Variants in SNTG1 observed in about 807,000 individuals in gnomAD.
SNTG1 encodes syntrophin gamma 1, also known as gamma-1-syntrophin.
A neutral mutation model predicts 74.7 loss-of-function variants in SNTG1; 39 were observed. That is an observed-to-expected ratio of 0.52 (90% CI 0.40 to 0.68). The LOEUF is 0.68. Among genes scored for constraint, SNTG1 ranks in the 30% least tolerant of loss-of-function variants. The pLI is 0.00. For missense variants in SNTG1, 685 were observed against 609.5 expected, an observed-to-expected ratio of 1.12 and a Z score of -1.30; for synonymous variants, 254 against 217.1, an observed-to-expected ratio of 1.17 and a Z score of -1.49.
chr8:50,009,250 A>T (rs1815539736), intron 1 of SNTG1, among the ~76,000 whole-genome samples: 1 of 152,060 alleles, frequency 6.6e-6, no homozygotes, highest in Admixed American at 6.6e-5. Context: ...ATTTAATTTT[A>T]GTTGTCATGC....
At position 50,682,510 on chromosome 8, in the gene SNTG1, G is replaced by T. The variant is rs1409853760; in HGVS notation, c.1039-22090G>T. On this transcript the variant is annotated intron_variant, in intron 15 of 18. Coordinates refer to ENST00000642720, the MANE Select transcript of SNTG1 (RefSeq NM_018967.5). ...GCAAGGGGTCAAAGAGGACAAGGAA[G>T]TTAAACTTTAAAATAGAGAATCAAA... Among the ~76,000 whole-genome samples, 3 of 152,128 alleles carry T rather than the reference G, an allele frequency of 2.0e-5. No individual in the cohort carries two copies. In the East Asian group the frequency reaches 5.8e-4, roughly 29 times the overall value.
At chr8:50,517,272 C>A (rs2094141144) in intron 9 of SNTG1, among the ~76,000 whole-genome samples, 1 of 152,098 alleles carries the variant, frequency 6.6e-6, no homozygotes, top group Non-Finnish European at 1.5e-5. Flanking sequence ...ACTAAATCTG[C>A]CTTACAAGAG....
At chr8:50,609,695 T>C (rs912241061) in intron 13 of SNTG1, among the ~76,000 whole-genome samples, 2 of 152,146 alleles carry the variant, frequency 1.3e-5, no homozygotes, top group African/African-American at 4.8e-5. Flanking sequence ...TCCAAAGGTC[T>C]CTAAACCTGT....
intron 1 of SNTG1, among the ~76,000 whole-genome samples, chr8:50,088,229 A>G (rs1367942197): frequency 6.6e-6 from 1 of 151,612 alleles, no homozygotes; most frequent in Non-Finnish European, 1.5e-5. Context: ...AACTCTCAAT[A>G]AATTAGGTAT....
chr8:50,267,848 T>C (rs1413406721), intron 2 of SNTG1, among the ~76,000 whole-genome samples: 1 of 152,218 alleles, frequency 6.6e-6, no homozygotes, highest in Non-Finnish European at 1.5e-5. Context: ...GCTAATGTAT[T>C]CAGTGATATT....
At chr8:50,259,836 C>A (rs1194841258) in intron 2 of SNTG1, among the ~76,000 whole-genome samples, 1 of 152,106 alleles carries the variant, frequency 6.6e-6, no homozygotes, top group Non-Finnish European at 1.5e-5. Flanking sequence ...GCAGATGAAT[C>A]ACAATTTTTT....
At chr8:50,050,831 A>T (rs1819506569) in intron 1 of SNTG1, among the ~76,000 whole-genome samples, 1 of 152,118 alleles carries the variant, frequency 6.6e-6, no homozygotes. Context: ...CCAGTATTGT[A>T]AATTGTATTT....
intron 12 of SNTG1, among the ~76,000 whole-genome samples, chr8:50,557,101 A>C (rs1242992105): frequency 6.6e-6 from 1 of 151,078 alleles, no homozygotes; most frequent in East Asian, 2.0e-4. Context: ...TGCCCTGGAA[A>C]GTGGGGGTGG....
rs114040302 is a variant in SNTG1 at position 50,233,400 on chromosome 8, A to G, written c.-28+60765A>G. Among the ~76,000 whole-genome samples, 807 of 151,872 alleles carry G rather than the reference A, an allele frequency of 5.3e-3. 11 individuals are homozygous for G. The highest frequency in any genetic ancestry group is 0.019 in the African/African-American group (774 of 41,552). On this transcript the variant is annotated intron_variant, in intron 2 of 18. Coordinates refer to ENST00000642720, the MANE Select transcript of SNTG1 (RefSeq NM_018967.5). ...ATTTAAACTTCACTCCTCATGTAAA[A>G]GAAAAAAATAAAGAAAACTTCAAAA... is the stretch of plus-strand genomic sequence containing the variant.
At chr8:50,438,126 A>G (rs979698574) in intron 4 of SNTG1, among the ~76,000 whole-genome samples, 2 of 152,162 alleles carry the variant, frequency 1.3e-5, no homozygotes, top group African/African-American at 4.8e-5. Flanking sequence ...CCAGGCAGGG[A>G]TGGAGACAGG....
At chr8:50,575,916 C>T (rs1469547477) in intron 12 of SNTG1, among the ~76,000 whole-genome samples, 6 of 152,122 alleles carry the variant, frequency 3.9e-5, no homozygotes, top group Admixed American at 3.9e-4. Flanking sequence ...TCCTCTTTCC[C>T]TCTGTCTGTA....
intron 18 of SNTG1, among the ~76,000 whole-genome samples, chr8:50,764,113 G>C (rs2131751858): frequency 6.6e-6 from 1 of 151,724 alleles, no homozygotes; most frequent in East Asian, 2.0e-4. Flanking sequence ...ACAAGAAAAT[G>C]GAATTTTCAT....
chr8:50,566,500 TCA>T (rs557028310), intron 12 of SNTG1, among the ~76,000 whole-genome samples: 3 of 151,532 alleles, frequency 2.0e-5, no homozygotes, highest in Admixed American at 1.3e-4. Context: ...AATAAAACTA[TCA>T]CACACACACA....
intron 8 of SNTG1, among the ~76,000 whole-genome samples, chr8:50,474,889 A>G (rs2093683712): frequency 1.3e-5 from 2 of 152,078 alleles, no homozygotes; most frequent in South Asian, 4.1e-4. Context: ...ATGGAATACT[A>G]TGCAGCCATA....
intron 1 of SNTG1, among the ~76,000 whole-genome samples, chr8:50,007,214 G>T (rs1815323313): frequency 1.3e-5 from 2 of 152,064 alleles, no homozygotes; most frequent in Admixed American, 1.3e-4. Context: ...TGCGGGTCAG[G>T]AAATGTTAGG....
intron 1 of SNTG1, among the ~76,000 whole-genome samples, chr8:49,924,598 C>T (rs1806850112): frequency 6.6e-6 from 1 of 152,060 alleles, no homozygotes; most frequent in South Asian, 2.1e-4. Flanking sequence ...GGAAGCTGAC[C>T]CTCAGAATGT....
At chr8:50,488,201 T>C (rs1206794304) in intron 8 of SNTG1, among the ~76,000 whole-genome samples, 4 of 151,634 alleles carry the variant, frequency 2.6e-5, no homozygotes, top group Non-Finnish European at 5.9e-5. Context: ...CATCCTGAAA[T>C]TGCTATGAGA....
At chr8:50,259,111 T>C (rs922454953) in intron 2 of SNTG1, among the ~76,000 whole-genome samples, 10 of 152,124 alleles carry the variant, frequency 6.6e-5, no homozygotes, top group African/African-American at 2.4e-4. Flanking sequence ...GACATTGCCA[T>C]GGAATACTGA....
chr8:49,949,990 A>T (rs1809559988), intron 1 of SNTG1, among the ~76,000 whole-genome samples: 1 of 152,114 alleles, frequency 6.6e-6, no homozygotes, highest in Non-Finnish European at 1.5e-5. Flanking sequence ...AGCCAGGTGT[A>T]GTGGTGCACA....
Sources: gnomAD v4.1 joint callset for allele counts (sites outside exome capture counted in the v4.1 genomes callset) on GRCh38, gnomAD v4.1.1 for gene constraint, MANE v1.5 for transcripts, NCBI Gene and HGNC (gene_info 2026-07-23, HGNC 2026-07-21) for gene names.